Variants in IL33 observed in about 807,000 individuals in gnomAD.
The protein encoded by IL33 is interleukin-33.
In IL33, 37 loss-of-function variants were observed where a neutral mutation model predicts 27.3. The observed-to-expected ratio is 1.36, with a 90% CI of 1.04 to 1.78. IL33 has a LOEUF of 1.78. Ranked by LOEUF, IL33 falls within the 40% of genes most tolerant of loss-of-function variation. The pLI is 0.00. For missense variants in IL33, 406 were observed against 311.4 expected, an observed-to-expected ratio of 1.30 and a Z score of -2.29; for synonymous variants, 132 against 102.9, an observed-to-expected ratio of 1.28 and a Z score of -1.71.
At chr9:6,255,019 T>G (rs968083269) in intron 7 of IL33, among the ~76,000 whole-genome samples, 3 of 152,140 alleles carry the variant, frequency 2.0e-5, no homozygotes, top group Non-Finnish European at 4.4e-5. Context: ...CAAAAAAAAT[T>G]TCCATTCTGA....
In IL33 at chr9:6,255,941, G is replaced by T. The variant is rs1306213711; in HGVS notation, c.613-27G>T. ...GACTCTGAACTTCCCATTCACATAT[G>T]GATTGCTTTCTCTCTTGTTTCCTCA... On this transcript the variant is annotated intron_variant, in intron 7 of 7. Coordinates refer to ENST00000682010, the MANE Select transcript of IL33 (RefSeq NM_033439.4). 3.1e-6 allele frequency: 5 copies of T among 1,594,560 alleles called. No homozygotes were observed. In the Admixed American group the frequency reaches 8.4e-5, roughly 27 times the overall value.
At position 6,249,409 on chromosome 9, in the gene IL33, A is replaced by G. The variant is rs567842054; in HGVS notation, c.92-1065A>G. The stretch of plus-strand genomic sequence containing the variant: ...CATTGTATAAATTGCTTGATAATTC[A>G]TTTACTACATAATGTTAAAAATTGA... On this transcript the variant is annotated intron_variant, in intron 2 of 7. Coordinates refer to ENST00000682010, the MANE Select transcript of IL33 (RefSeq NM_033439.4). Among the ~76,000 whole-genome samples the G allele has an allele frequency of 1.1e-4, 17 of 152,294 alleles. No individual in the cohort carries two copies. The South Asian group carries it at 3.5e-3, about 32-fold the overall frequency.
chr9:6,235,216 A>T (rs1442091517), intron 1 of IL33, among the ~76,000 whole-genome samples: 1 of 151,864 alleles, frequency 6.6e-6, no homozygotes, highest in Non-Finnish European at 1.5e-5. Context: ...AATTTTTAAA[A>T]ATTTTTTCTG....
chr9:6,237,157 C>T (rs10975508), intron 1 of IL33, among the ~76,000 whole-genome samples: 1 of 152,252 alleles, frequency 6.6e-6, no homozygotes, highest in East Asian at 1.9e-4. Context: ...GTATCATAAC[C>T]AGTGTGCAGG....
intron 1 of IL33, among the ~76,000 whole-genome samples, chr9:6,233,260 C>T (rs1322044204): frequency 1.3e-5 from 2 of 152,142 alleles, no homozygotes; most frequent in African/African-American, 2.4e-5. Context: ...TCTTAATCTC[C>T]GTCTCTTTCA....
rs1564073322 is a variant in IL33, at chr9:6,252,077, ACAAAAC to A, written c.344-788_344-783del. ...CAAACAAAAAAAAACCCAACAAAAA[ACAAAAC>A]AAAACAAAAAAACCAACTTTACCTG... On this transcript the variant is annotated intron_variant, in intron 4 of 7. Coordinates refer to ENST00000682010, the MANE Select transcript of IL33 (RefSeq NM_033439.4). Among the ~76,000 whole-genome samples, 64 of 135,682 alleles carry A rather than the reference ACAAAAC, an allele frequency of 4.7e-4. 3 individuals are homozygous for A. The highest frequency in any genetic ancestry group is 1.0e-3 in the African/African-American group (35 of 34,510). 89.0% of individuals were successfully genotyped at this position (135,682 alleles called of 152,430 possible). A position where few individuals can be genotyped will look rare whatever the true frequency, so the allele number is the denominator to read the frequency against.
intron 1 of IL33, among the ~76,000 whole-genome samples, chr9:6,228,039 G>A (rs1818727736): frequency 1.3e-5 from 2 of 152,262 alleles, no homozygotes; most frequent in Non-Finnish European, 2.9e-5. Context: ...ATATAAAAGA[G>A]GGATAATAAT....
At chr9:6,236,241 G>C (rs1477164576) in intron 1 of IL33, among the ~76,000 whole-genome samples, 1 of 151,560 alleles carries the variant, frequency 6.6e-6, no homozygotes, top group Non-Finnish European at 1.5e-5. Flanking sequence ...GTGTTAATTG[G>C]AAAATGCAAA....
intron 2 of IL33, among the ~76,000 whole-genome samples, chr9:6,245,551 G>C (rs747021852): frequency 1.3e-5 from 2 of 152,194 alleles, no homozygotes; most frequent in Admixed American, 6.5e-5. Flanking sequence ...TGATGATAAA[G>C]TGAGGAGGCA....
intron 1 of IL33, among the ~76,000 whole-genome samples, chr9:6,231,011 C>T (rs760762317): frequency 8.5e-5 from 13 of 152,120 alleles, no homozygotes; most frequent in Non-Finnish European, 1.6e-4. Context: ...ATACATAGAG[C>T]ATCAGTCTTA....
intron 7 of IL33, 109 bp from the exon 8 acceptor site, chr9:6,255,859 A>G (rs1816694800): frequency 4.7e-6 from 4 of 850,796 alleles, no homozygotes; most frequent in Non-Finnish European, 7.7e-6. Context: ...GCTTGCTAGA[A>G]ATATCAAGTC....
intron 1 of IL33, among the ~76,000 whole-genome samples, chr9:6,216,739 A>C (rs1818162516): frequency 6.6e-6 from 1 of 152,156 alleles, no homozygotes; most frequent in South Asian, 2.1e-4. Flanking sequence ...CAAGAGCTAA[A>C]TGTCATCTCC....
At position 6,255,994 on chromosome 9, in the gene IL33, A is replaced by G. The variant is rs1291288115; in HGVS notation, c.639A>G (p.Pro213=). ...TCCATAAGTGTGAAAAACCACTGCC[A>G]GACCAGGCCTTCTTTGTCCTTCATA... ...VELHKCEKPL[P]DQAFFVLHNM... The change falls in exon 8 of 8, where the codon CCA becomes CCG. Residue 213 remains proline (P), a synonymous_variant. Transcript: ENST00000682010. The G allele has an allele frequency of 4.3e-6, 7 of 1,613,702 alleles. No homozygotes were observed. Among genetic ancestry groups the G allele is most frequent in the Non-Finnish European group, 4.2e-6 (5 of 1,179,648 alleles).
intron 1 of IL33, among the ~76,000 whole-genome samples, chr9:6,218,656 G>GTCCCCATATATATA (rs71328181): frequency 0.16 from 18,675 of 119,264 alleles, 3,389 homozygotes; most frequent in African/African-American, 0.29. Flanking sequence ...CTATACATAT[G>GTCCCCATATATATA]TCCCCATATA....
chr9:6,223,571 T>C (rs1818502600), intron 1 of IL33, among the ~76,000 whole-genome samples: 1 of 152,148 alleles, frequency 6.6e-6, no homozygotes, highest in Admixed American at 6.6e-5. Flanking sequence ...AAACATAACA[T>C]TATTTAAACA....
intron 1 of IL33, 95 bp from the exon 2 acceptor site, chr9:6,241,589 G>T: frequency 3.1e-6 from 2 of 645,400 alleles, no homozygotes; most frequent in Non-Finnish European, 5.4e-6. Flanking sequence ...CCTCTATATG[G>T]TTATGTTACC....
chr9:6,239,000 G>T (rs1327943759), intron 1 of IL33, among the ~76,000 whole-genome samples: 1 of 152,174 alleles, frequency 6.6e-6, no homozygotes, highest in East Asian at 1.9e-4. Flanking sequence ...CTTGAATCAA[G>T]TATTAAATTG....
intron 2 of IL33, among the ~76,000 whole-genome samples, chr9:6,248,240 C>CTTTTTT (rs1179234471): frequency 1.3e-4 from 11 of 84,858 alleles, no homozygotes; most frequent in South Asian, 4.7e-4. Context: ...CTTTTCTTTT[C>CTTTTTT]TTTTTTTTTT....
At chr9:6,249,243 A>C (rs1257790137) in intron 2 of IL33, among the ~76,000 whole-genome samples, 4 of 152,184 alleles carry the variant, frequency 2.6e-5, no homozygotes, top group Non-Finnish European at 4.4e-5. Context: ...TAGCTAATAA[A>C]AGCTTTTCCA....
Sources: allele counts gnomAD v4.1 joint callset (sites outside exome capture counted in the v4.1 genomes callset), GRCh38; gene constraint gnomAD v4.1.1; transcripts MANE v1.5; gene names NCBI Gene and HGNC (gene_info 2026-07-23, HGNC 2026-07-21).